Variants in FBXL20 observed in about 807,000 individuals in gnomAD.
FBXL20 encodes the protein F-box and leucine rich repeat protein 20.
FBXL20 carries 11 observed loss-of-function variants against 64.0 expected under a neutral mutation model. The ratio of observed to expected loss-of-function variants is 0.17; its 90% confidence interval spans 0.11 to 0.28. FBXL20 has a LOEUF of 0.28. Ranked by LOEUF, FBXL20 falls within the 10% of genes least tolerant of loss-of-function variation. The pLI, the probability that FBXL20 is intolerant of heterozygous loss-of-function variation, is 1.00. For missense variants in FBXL20, 303 were observed against 526.2 expected, an observed-to-expected ratio of 0.58 and a Z score of 4.15; for synonymous variants, 184 against 189.0, an observed-to-expected ratio of 0.97 and a Z score of 0.22.
rs374706132 is a variant in FBXL20 at position 39,306,136 on chromosome 17, T to C, written c.105-2497A>G. ...ACAATCACAGCACTGTACTCCAGCC[T>C]GGGTGATAGAGTGAGTTCTTTTTTT... On this transcript the variant is annotated intron_variant, in intron 2 of 14. Transcript: ENST00000264658. Among the ~76,000 whole-genome samples the C allele has an allele frequency of 2.6e-4, 39 of 149,472 alleles. 1 individual carries two copies. The East Asian group carries it at 7.1e-3, about 27-fold the overall frequency.
intron 1 of FBXL20, among the ~76,000 whole-genome samples, chr17:39,366,125 T>C (rs917690019): frequency 5.9e-5 from 9 of 152,148 alleles, no homozygotes; most frequent in African/African-American, 2.2e-4. Context: ...TTACAGTACA[T>C]GCCACTGCTT....
intron 1 of FBXL20, among the ~76,000 whole-genome samples, chr17:39,384,069 A>G (rs1486133291): frequency 6.6e-6 from 1 of 151,924 alleles, no homozygotes; most frequent in Non-Finnish European, 1.5e-5. Context: ...CTCCATCTCT[A>G]CAAAAAGTCA....
At chr17:39,352,647 C>T (rs942163520) in intron 1 of FBXL20, among the ~76,000 whole-genome samples, 5 of 147,312 alleles carry the variant, frequency 3.4e-5, no homozygotes, top group African/African-American at 1.0e-4. Context: ...GGCTACTGCA[C>T]TCCAGCCTTG....
rs141728220 is a variant in FBXL20 at position 39,315,829 on chromosome 17, C to CAGAGAGAGAGAGAG, written c.105-12204_105-12191dup. 4.4e-3 allele frequency among the ~76,000 whole-genome samples: 571 copies of CAGAGAGAGAGAGAG among 129,744 alleles called. 20 individuals carry two copies. The highest frequency in any genetic ancestry group is 6.5e-3 in the Non-Finnish European group (396 of 60,958). The allele number at this position is 129,744 out of a possible 152,430, so 85.1% of individuals were successfully genotyped here. ...TTTGAGAGAGAGTGAGAGAGAGAGA[C>CAGAGAGAGAGAGAG]AGAGAGAGAGAGAGAGAGAGAGAGA... On this transcript the variant is annotated intron_variant, in intron 2 of 14. Coordinates refer to ENST00000264658, the MANE Select transcript of FBXL20 (RefSeq NM_032875.3).
intron 12 of FBXL20, among the ~76,000 whole-genome samples, chr17:39,266,510 A>C (rs139321979): frequency 1.3e-3 from 194 of 152,134 alleles, no homozygotes; most frequent in Non-Finnish European, 1.5e-3. Context: ...ATGAGCCACC[A>C]TGCTCGGAAT....
At chr17:39,394,542 G>A (rs549638056) in intron 1 of FBXL20, among the ~76,000 whole-genome samples, 1 of 150,950 alleles carries the variant, frequency 6.6e-6, no homozygotes, top group South Asian at 2.1e-4. Flanking sequence ...CTCCCAAAGT[G>A]CTGAGATTAC....
intron 1 of FBXL20, among the ~76,000 whole-genome samples, chr17:39,387,928 G>A (rs1475077553): frequency 6.6e-6 from 1 of 152,030 alleles, no homozygotes; most frequent in Non-Finnish European, 1.5e-5. Flanking sequence ...AGGTTTATCA[G>A]GGCACAGTCC....
At chr17:39,287,158 G>A (rs1031394962) in intron 6 of FBXL20, among the ~76,000 whole-genome samples, 6 of 151,826 alleles carry the variant, frequency 4.0e-5, no homozygotes, top group Non-Finnish European at 5.9e-5. Flanking sequence ...TGATCTGCCC[G>A]CCTCGGCCTC....
At chr17:39,266,250 C>T (rs1484071016) in intron 12 of FBXL20, among the ~76,000 whole-genome samples, 4 of 143,088 alleles carry the variant, frequency 2.8e-5, no homozygotes, top group African/African-American at 5.3e-5. Context: ...GAGATAGTCT[C>T]GCTCTGTTGC....
chr17:39,395,115 G>T (rs2048170228), intron 1 of FBXL20, among the ~76,000 whole-genome samples: 1 of 152,068 alleles, frequency 6.6e-6, no homozygotes, highest in African/African-American at 2.4e-5. Flanking sequence ...TAAAACATAA[G>T]AAGATTTTAA....
intron 1 of FBXL20, among the ~76,000 whole-genome samples, chr17:39,379,155 G>A (rs2047998794): frequency 6.7e-6 from 1 of 150,140 alleles, no homozygotes; most frequent in East Asian, 2.0e-4. Context: ...GAACCCAGGA[G>A]GCGGAGGTTG....
chr17:39,351,632 T>C (rs533084277), intron 1 of FBXL20, among the ~76,000 whole-genome samples: 17 of 152,192 alleles, frequency 1.1e-4, no homozygotes, highest in Non-Finnish European at 1.9e-4. Flanking sequence ...AGGAAATAAC[T>C]ATTCAAATGT....
chr17:39,395,820 G>C (rs1215349392), intron 1 of FBXL20, among the ~76,000 whole-genome samples: 2 of 152,166 alleles, frequency 1.3e-5, no homozygotes, highest in Non-Finnish European at 2.9e-5. Flanking sequence ...AGGAGTATGA[G>C]TGAAATGATG....
chr17:39,296,289 G>A (rs748035740), intron 6 of FBXL20, among the ~76,000 whole-genome samples: 20 of 152,040 alleles, frequency 1.3e-4, no homozygotes, highest in African/African-American at 2.2e-4. Context: ...GGCCAGGCGC[G>A]GTGGCTCATG....
intron 2 of FBXL20, among the ~76,000 whole-genome samples, chr17:39,305,051 C>A (rs1025418264): frequency 1.3e-5 from 2 of 152,114 alleles, no homozygotes; most frequent in African/African-American, 4.8e-5. Flanking sequence ...AGCCACCACA[C>A]CCAGCCCCTG....
chr17:39,378,348 T>G (rs1355707038), intron 1 of FBXL20, among the ~76,000 whole-genome samples: 1 of 152,172 alleles, frequency 6.6e-6, no homozygotes, highest in African/African-American at 2.4e-5. Flanking sequence ...GTAGCTCACA[T>G]TTGTAGTCTC....
chr17:39,383,087 C>T (rs2048041881), intron 1 of FBXL20, among the ~76,000 whole-genome samples: 1 of 148,074 alleles, frequency 6.8e-6, no homozygotes, highest in Non-Finnish European at 1.5e-5. Context: ...CTCTTGAACC[C>T]GGGAGGCAGA....
At chr17:39,350,478 G>C (rs2144589051) in intron 1 of FBXL20, among the ~76,000 whole-genome samples, 2 of 143,840 alleles carry the variant, frequency 1.4e-5, no homozygotes, top group East Asian at 2.1e-4. Flanking sequence ...AACAGAGCTA[G>C]ACTCCTTCTC....
At chr17:39,348,416 T>C (rs1325400414) in intron 1 of FBXL20, among the ~76,000 whole-genome samples, 2 of 151,832 alleles carry the variant, frequency 1.3e-5, no homozygotes, top group East Asian at 1.9e-4. Context: ...GCCGAGATCA[T>C]GCTACTGCAG....
Sources: gnomAD v4.1 joint callset for allele counts (sites outside exome capture counted in the v4.1 genomes callset) on GRCh38, gnomAD v4.1.1 for gene constraint, MANE v1.5 for transcripts, NCBI Gene and HGNC (gene_info 2026-07-23, HGNC 2026-07-21) for gene names.